The following PPP1R3A variants were observed in gnomAD, a reference collection of about 807,000 sequenced individuals.
The protein encoded by PPP1R3A is RG1.
A neutral mutation model predicts 41.7 loss-of-function variants in PPP1R3A; 29 were observed. That is an observed-to-expected ratio of 0.70 (90% CI 0.52 to 0.95). PPP1R3A has a LOEUF of 0.95. Among genes scored for constraint, PPP1R3A ranks in the 40% least tolerant of loss-of-function variants. The pLI is 0.00. For synonymous variants in PPP1R3A, 485 were observed against 453.4 expected, an observed-to-expected ratio of 1.07 and a Z score of -0.89; for missense variants, 1,352 against 1,292.4, an observed-to-expected ratio of 1.05 and a Z score of -0.71.
chr7:113,877,455 T>C lies in PPP1R3A; in HGVS notation c.*268A>G. The C allele has an allele frequency of 3.1e-6, 1 of 320,168 alleles. No individual in the cohort carries two copies. The highest frequency in any genetic ancestry group is 1.1e-4 in the South Asian group (1 of 9,146). 19.8% of individuals were successfully genotyped at this position (320,168 alleles called of 1,614,324 possible). On this transcript the variant is annotated 3_prime_UTR_variant, in exon 4 of 4. Transcript: ENST00000284601. Reference sequence around the variant, plus strand: ...AGAGATGTGAAGCATTGCAACTTCATAGCCTGCTAAGGAGCAACAGCTGTA... The same window carrying C: ...AGAGATGTGAAGCATTGCAACTTCACAGCCTGCTAAGGAGCAACAGCTGTA...
intron 1 of PPP1R3A, among the ~76,000 whole-genome samples, chr7:113,899,464 A>G (rs1797029423): frequency 6.6e-6 from 1 of 151,820 alleles, no homozygotes. Context: ...AATGTCCCAC[A>G]TCCTTAATAT....
At position 113,878,480 on chromosome 7, in the gene PPP1R3A, G is replaced by A; in HGVS notation, c.2612C>T (p.Thr871Ile). 2 of 1,613,094 alleles carry A rather than the reference G, an allele frequency of 1.2e-6. No homozygotes were observed. The highest frequency in any genetic ancestry group is 8.5e-7 in the Non-Finnish European group (1 of 1,179,610). The change falls in exon 4 of 4, where the codon ACA (threonine) becomes ATA (isoleucine). Residue 871 changes from threonine to isoleucine, a missense_variant. Transcript: ENST00000284601. ...GTTTTCTGAAAATACAGTTTTGTCT[G>A]TTGGTAACATTCCCAACTGTAAATC... ...KLDLQLGMLPTDKTVFSENRD... is the reference protein window; with the variant it reads ...KLDLQLGMLPIDKTVFSENRD...
chr7:113,910,513 ATG>A (rs1343029516), intron 1 of PPP1R3A, among the ~76,000 whole-genome samples: 1 of 152,046 alleles, frequency 6.6e-6, no homozygotes, highest in East Asian at 1.9e-4. Context: ...CTGCAGCTAA[ATG>A]TGACTTTTTA....
chr7:113,879,114 C>G lies in PPP1R3A; in HGVS notation c.1978G>C (p.Glu660Gln). The G allele has an allele frequency of 1.2e-6, 2 of 1,613,734 alleles. No individual in the cohort carries two copies. The highest frequency in any genetic ancestry group is 1.7e-6 in the Non-Finnish European group (2 of 1,179,808). ...TTCTCTCTTGATTTTCCCTGACTTT[C>G]CAGAACATTCCAACTTTGTTTATGC... ...PQHKQSWNVL[E>Q]SQGKSRENKT... Residue 660 changes from glutamate (E) to glutamine (Q), a missense_variant, in exon 4 of 4, where the codon GAA becomes CAA. By Grantham distance (29) the Glu-to-Gln change is conservative (BLOSUM62 2). Coordinates refer to ENST00000284601, the MANE Select transcript of PPP1R3A (RefSeq NM_002711.4).
At chr7:113,910,321 G>C (rs1035378647) in intron 1 of PPP1R3A, among the ~76,000 whole-genome samples, 1 of 151,948 alleles carries the variant, frequency 6.6e-6, no homozygotes, top group Non-Finnish European at 1.5e-5. Context: ...TAAAAGCAAA[G>C]GATAGAATTA....
Position 113,879,051 on chromosome 7 carries a change from C to G in PPP1R3A, c.2041G>C (p.Asp681His). The G allele has an allele frequency of 6.2e-7, 1 of 1,613,718 alleles. No homozygotes were observed. Among genetic ancestry groups the G allele is most frequent in the East Asian group, 2.2e-5 (1 of 44,850 alleles). Residue 681 changes from aspartate to histidine, a missense_variant, in exon 4 of 4, where the codon GAT (aspartate) becomes CAT (histidine). Coordinates refer to ENST00000284601, the MANE Select transcript of PPP1R3A (RefSeq NM_002711.4). ...CTTTTTCCCCACACGTCTTCACAATCTGTTTGTCCTTTGATATGCTCTGTT... is the reference window on the plus strand; with the variant it reads ...CTTTTTCCCCACACGTCTTCACAATGTGTTTGTCCTTTGATATGCTCTGTT... ...NITEHIKGQT[D>H]CEDVWGKRDN...
chr7:113,898,793 T>C (rs1390849672), intron 1 of PPP1R3A, among the ~76,000 whole-genome samples: 1 of 151,842 alleles, frequency 6.6e-6, no homozygotes, highest in Non-Finnish European at 1.5e-5. Flanking sequence ...GAATTTATTG[T>C]TCGTTCCAGC....
intron 1 of PPP1R3A, among the ~76,000 whole-genome samples, chr7:113,901,575 C>T (rs6466472): frequency 0.69 from 104,458 of 151,612 alleles, 35,960 homozygotes; most frequent in South Asian, 0.75. Flanking sequence ...GAGAAAATTA[C>T]GAAATAAAGA....
chr7:113,909,481 G>T (rs1490567579), intron 1 of PPP1R3A, among the ~76,000 whole-genome samples: 1 of 150,620 alleles, frequency 6.6e-6, no homozygotes, highest in Non-Finnish European at 1.5e-5. Context: ...AGGGCTTGGA[G>T]AGTGCCTTAG....
chr7:113,901,311 C>CA (rs1408343270), intron 1 of PPP1R3A, among the ~76,000 whole-genome samples: 1 of 151,698 alleles, frequency 6.6e-6, no homozygotes, highest in Non-Finnish European at 1.5e-5. Context: ...AACATAGACA[C>CA]CATCCCCCTT....
At position 113,878,439 on chromosome 7, in the gene PPP1R3A, C is replaced by T. The variant is rs752458430; in HGVS notation, c.2653G>A (p.Val885Ile). ...VFSENRDLRQ[V>I]QELSKKTDSD... Reference sequence around the variant, plus strand: ...TCTGTTTTCTTTGATAATTCTTGAACCTGCCTAAGATCTCTGTTTTCTGAA... The same window carrying T: ...TCTGTTTTCTTTGATAATTCTTGAATCTGCCTAAGATCTCTGTTTTCTGAA... Residue 885 changes from valine to isoleucine, a missense_variant, in exon 4 of 4, where the codon GTT (valine) becomes ATT (isoleucine). Val to Ile is a conservative substitution (Grantham distance 29). Coordinates refer to ENST00000284601, the MANE Select transcript of PPP1R3A (RefSeq NM_002711.4). The T allele has an allele frequency of 1.2e-5, 19 of 1,612,096 alleles. No homozygotes were observed. In the Admixed American group the frequency reaches 1.3e-4, roughly 11 times the overall value.
At chr7:113,898,900 ATG>A (rs1797018916) in intron 1 of PPP1R3A, among the ~76,000 whole-genome samples, 1 of 151,808 alleles carries the variant, frequency 6.6e-6, no homozygotes, top group South Asian at 2.1e-4. Flanking sequence ...TAAGATGTAT[ATG>A]TATGTCCTAC....
intron 1 of PPP1R3A, among the ~76,000 whole-genome samples, chr7:113,897,180 A>C (rs553224128): frequency 1.3e-5 from 2 of 151,940 alleles, no homozygotes; most frequent in Admixed American, 1.3e-4. Flanking sequence ...TTAGTTCTTT[A>C]CTTGTAAACT....
At chr7:113,905,106 T>C (rs995512733) in intron 1 of PPP1R3A, among the ~76,000 whole-genome samples, 4 of 151,646 alleles carry the variant, frequency 2.6e-5, no homozygotes, top group African/African-American at 7.2e-5. Context: ...ATAGTAGAAT[T>C]CTTAATGAAA....
At chr7:113,892,111 A>C (rs775041802) in intron 1 of PPP1R3A, among the ~76,000 whole-genome samples, 4 of 152,074 alleles carry the variant, frequency 2.6e-5, no homozygotes, top group Non-Finnish European at 5.9e-5. Flanking sequence ...ACTCTATGAT[A>C]AACAGCTAAA....
intron 1 of PPP1R3A, among the ~76,000 whole-genome samples, chr7:113,902,579 A>C (rs1383065763): frequency 6.6e-6 from 1 of 151,904 alleles, no homozygotes; most frequent in Admixed American, 6.6e-5. Context: ...CCTTCTTGCT[A>C]GTCTGCAAAC....
chr7:113,883,715 A>C (rs2129114588), intron 1 of PPP1R3A, among the ~76,000 whole-genome samples: 1 of 152,110 alleles, frequency 6.6e-6, no homozygotes, highest in South Asian at 2.1e-4. Flanking sequence ...AAAAATATAT[A>C]AACCATTAAA....
At position 113,878,783 on chromosome 7, in the gene PPP1R3A, T is replaced by A; in HGVS notation, c.2309A>T (p.Glu770Val). 1.2e-6 allele frequency: 2 copies of A among 1,613,654 alleles called. No individual in the cohort carries two copies. The highest frequency in any genetic ancestry group is 1.7e-6 in the Non-Finnish European group (2 of 1,179,766). ...CCCTTCATGTGGATCAAACGCTGTT[T>A]CCTTTACCTCGATGGGCCTGTCACT... The part of the protein sequence containing the change: ...ARSDRPIEVK[E>V]TAFDPHEGRN... The change falls in exon 4 of 4, where the codon GAA becomes GTA. Residue 770 changes from glutamate (E) to valine (V), a missense_variant. Transcript: ENST00000284601.
At chr7:113,881,088 A>C (rs1355114100) in intron 3 of PPP1R3A, among the ~76,000 whole-genome samples, 1 of 152,038 alleles carries the variant, frequency 6.6e-6, no homozygotes, top group Non-Finnish European at 1.5e-5. Context: ...GGTTTGAAAA[A>C]AATGGCCATG....
Sources: allele counts gnomAD v4.1 joint callset (sites outside exome capture counted in the v4.1 genomes callset), GRCh38; gene constraint gnomAD v4.1.1; transcripts MANE v1.5; gene names NCBI Gene and HGNC (gene_info 2026-07-23, HGNC 2026-07-21).